TEX36: variants seen among roughly 807,000 people sequenced by gnomAD.
TEX36 encodes the protein testis-expressed protein 36.
Under a neutral mutation model 13.6 loss-of-function variants are expected in TEX36, and 12 were observed. The ratio of observed to expected loss-of-function variants is 0.88; its 90% CI spans 0.56 to 1.43. The LOEUF (loss-of-function observed/expected upper bound fraction) is 1.43, where lower values mean the gene tolerates loss of function less well. Ranked by LOEUF, TEX36 falls within the 40% of genes most tolerant of loss-of-function variation. The pLI is 0.00. For synonymous variants in TEX36, 93 were observed against 83.0 expected, an observed-to-expected ratio of 1.12 and a Z score of -0.65; for missense variants, 224 against 228.3, an observed-to-expected ratio of 0.98 and a Z score of 0.12.
rs117379768 is a variant in TEX36 at position 125,680,260 on chromosome 10, G to A, written c.51+2679C>T. On this transcript the variant is annotated intron_variant, in intron 1 of 3. Transcript: ENST00000368821. ...TGGAAAATCAGGCTGGGGGTTGGGG[G>A]AGGCTGTTCTAACATCAAGAATGAT... Among the ~76,000 whole-genome samples, 1,421 of 152,246 alleles carry A rather than the reference G, an allele frequency of 9.3e-3. 9 individuals are homozygous for A. Among genetic ancestry groups the A allele is most frequent in the Middle Eastern group, 0.017 (5 of 294 alleles).
At chr10:125,624,316 C>G (rs533928523) in intron 3 of TEX36, among the ~76,000 whole-genome samples, 1 of 152,268 alleles carries the variant, frequency 6.6e-6, no homozygotes, top group Non-Finnish European at 1.5e-5. Flanking sequence ...TCTCTGAGCT[C>G]GGGGCAGGTG....
chr10:125,656,653 A>G (rs1846949413), intron 3 of TEX36, among the ~76,000 whole-genome samples: 1 of 152,118 alleles, frequency 6.6e-6, no homozygotes, highest in South Asian at 2.1e-4. Flanking sequence ...GTCTCCTTTA[A>G]CAACCTGTTG....
intron 3 of TEX36, among the ~76,000 whole-genome samples, chr10:125,585,261 G>A (rs1845929493): frequency 6.6e-6 from 1 of 152,154 alleles, no homozygotes; most frequent in Non-Finnish European, 1.5e-5. Context: ...CCCAGAGGGA[G>A]AAAGTGGAGA....
chr10:125,651,379 A>G (rs1271189381), downstream of TEX36, among the ~76,000 whole-genome samples: 3 of 152,138 alleles, frequency 2.0e-5, no homozygotes, highest in East Asian at 5.8e-4. Context: ...CATATAAACA[A>G]AACCAAAGAC....
intron 3 of TEX36, among the ~76,000 whole-genome samples, chr10:125,611,567 A>C (rs1376727230): frequency 6.6e-6 from 1 of 152,162 alleles, no homozygotes; most frequent in Non-Finnish European, 1.5e-5. Flanking sequence ...CAGTAGGTGC[A>C]GGTATCTTTT....
Position 125,661,935 on chromosome 10 carries a change from T to C in TEX36, c.94A>G (p.Thr32Ala). 3 of 1,552,254 alleles carry C rather than the reference T, an allele frequency of 1.9e-6. No homozygotes were observed. The Admixed American group carries it at 5.9e-5, about 30-fold the overall frequency. The change falls in exon 2 of 4, where the codon ACC becomes GCC. Residue 32 changes from threonine (T) to alanine (A), a missense_variant. Coordinates refer to ENST00000368821, the MANE Select transcript of TEX36 (RefSeq NM_001128202.3). The part of the protein sequence containing the change: ...GLTQKTPESI[T>A]SATSKEPQSP... ...TGGGGCTCTTTTGACGTAGCACTGG[T>C]GATGGATTCTGGTGTCTTTTGCGTT...
chr10:125,597,298 C>T (rs889647016), intron 3 of TEX36, among the ~76,000 whole-genome samples: 2 of 152,200 alleles, frequency 1.3e-5, no homozygotes, highest in Middle Eastern at 3.2e-3. Flanking sequence ...CAGAGCCCAA[C>T]CACTGTTACC....
At chr10:125,620,963 T>C (rs1389121125), downstream of TEX36, among the ~76,000 whole-genome samples, 1 of 152,200 alleles carries the variant, frequency 6.6e-6, no homozygotes, top group Non-Finnish European at 1.5e-5. Context: ...AGAATTTCCT[T>C]CCTTTTTTAA....
intron 3 of TEX36, among the ~76,000 whole-genome samples, chr10:125,615,188 A>G (rs1846340435): frequency 6.6e-6 from 1 of 152,124 alleles, no homozygotes; most frequent in South Asian, 2.1e-4. Context: ...TTGGGCTGAG[A>G]CAACGGGGTT....
intron 3 of TEX36, among the ~76,000 whole-genome samples, chr10:125,591,491 G>A (rs1846020486): frequency 6.6e-6 from 1 of 152,128 alleles, no homozygotes; most frequent in East Asian, 1.9e-4. Context: ...CAGCTGGCAG[G>A]ATCCACACAC....
chr10:125,625,113 G>A (rs1280102639), intron 3 of TEX36, among the ~76,000 whole-genome samples: 1 of 152,198 alleles, frequency 6.6e-6, no homozygotes, highest in Non-Finnish European at 1.5e-5. Context: ...CAGTACTCCA[G>A]GTGGCCCCTG....
rs945111127 is a variant in TEX36 at position 125,656,120 on chromosome 10, T to C, written c.341A>G (p.Tyr114Cys). ...AAAGCCATCAAGACAAGATGGAACA[T>C]AGTCACATGCCCAGAGATTAAAATT... is the stretch of plus-strand genomic sequence containing the variant. ...SRNFNLWACD[Y>C]VPSCLDGFSN... is the part of the protein sequence containing the mutation. The change falls in exon 4 of 4, where the codon TAT (tyrosine) becomes TGT (cysteine). Residue 114 changes from tyrosine to cysteine, a missense_variant. Physicochemically the swap from Tyr to Cys is radical, Grantham distance 194 (BLOSUM62 -2). Transcript: ENST00000368821. 3.1e-5 allele frequency: 48 copies of C among 1,550,268 alleles called. No individual in the cohort carries two copies. The highest frequency in any genetic ancestry group is 4.0e-5 in the Non-Finnish European group (46 of 1,146,750).
At position 125,599,319 on chromosome 10, in the gene TEX36, C is replaced by A. The variant is rs540341314; in HGVS notation, c.265-22445G>T. Among the ~76,000 whole-genome samples the A allele has an allele frequency of 1.2e-4, 18 of 152,302 alleles. No homozygotes were observed. The East Asian group carries it at 3.5e-3, about 29-fold the overall frequency. On this transcript the variant is annotated intron_variant, in intron 3 of 3. Coordinates refer to the TEX36 transcript ENST00000532135. ...GACGCATGTCCTGGGCTCTTGGAAC[C>A]CGCTGAGGACCAGCTGACACCAGTG...
At chr10:125,597,154 C>T (rs1846090039) in intron 3 of TEX36, among the ~76,000 whole-genome samples, 1 of 152,178 alleles carries the variant, frequency 6.6e-6, no homozygotes, top group Non-Finnish European at 1.5e-5. Context: ...GCTTACACTA[C>T]CCAATGTTGT....
chr10:125,625,099 T>A (rs1461601467), intron 3 of TEX36, among the ~76,000 whole-genome samples: 1 of 152,178 alleles, frequency 6.6e-6, no homozygotes, highest in African/African-American at 2.4e-5. Flanking sequence ...CTCTTGCACC[T>A]CCCCAGTACT....
intron 3 of TEX36, among the ~76,000 whole-genome samples, chr10:125,636,800 G>A (rs976384191): frequency 2.6e-5 from 4 of 152,238 alleles, no homozygotes; most frequent in Admixed American, 6.5e-5. Flanking sequence ...CGTGAGATGC[G>A]TCCTTTTCGA....
At chr10:125,667,905 G>A (rs1386921822) in intron 1 of TEX36, 2 of 1,446,458 alleles carry the variant, frequency 1.4e-6, no homozygotes, top group South Asian at 2.3e-5. Context: ...ATGTCAGACA[G>A]CTCCTTCTTC....
chr10:125,622,479 G>A lies in TEX36; in HGVS notation c.265-834C>T, dbSNP rs371052976. On this transcript the variant is annotated intron_variant, in intron 3 of 3. Transcript: ENST00000526819. ...GTTATTGATGACTACCTTCTTCTAC[G>A]CATTCTGTACTCCCTTTGCCTTCAG... Among the ~76,000 whole-genome samples, 20 of 152,260 alleles carry A rather than the reference G, an allele frequency of 1.3e-4. No individual in the cohort carries two copies. In the South Asian group the frequency reaches 3.9e-3, roughly 30 times the overall value.
At chr10:125,618,942 TAAAAAAA>T (rs11452140), downstream of TEX36, among the ~76,000 whole-genome samples, 810 of 43,562 alleles carry the variant, frequency 0.019, 5 homozygotes, top group Middle Eastern at 0.043. Context: ...CCGTCTCTAC[TAAAAAAA>T]AAAAAAAAAA....
Sources: allele counts gnomAD v4.1 joint callset (sites outside exome capture counted in the v4.1 genomes callset), GRCh38; gene constraint gnomAD v4.1.1; transcripts MANE v1.5; gene names NCBI Gene and HGNC (gene_info 2026-07-23, HGNC 2026-07-21).